Variants in ARL17B observed in about 807,000 individuals in gnomAD.
ARL17B encodes the protein ADP-ribosylation factor-like protein 17.
chr17:46,282,567 A>T, intron 4 of ARL17B, among the ~76,000 whole-genome samples: 1 of 148,118 alleles, frequency 6.8e-6, no homozygotes, highest in East Asian at 2.0e-4. Flanking sequence ...GGCACTCATC[A>T]CCAAGCCTGG....
chr17:46,281,230 C>G (rs548750693), intron 4 of ARL17B, among the ~76,000 whole-genome samples: 12 of 152,218 alleles, frequency 7.9e-5, no homozygotes, highest in Non-Finnish European at 1.0e-4. Context: ...CTTGCTCCCC[C>G]CACCCCTCAT....
chr17:46,285,890 G>A (rs2049894129), intron 4 of ARL17B, among the ~76,000 whole-genome samples: 1 of 152,160 alleles, frequency 6.6e-6, no homozygotes, highest in South Asian at 2.1e-4. Context: ...CACACAGAGG[G>A]GCTCTCATCT....
chr17:46,350,678 C>T (rs1487407538), intron 3 of ARL17B, among the ~76,000 whole-genome samples: 1 of 79,950 alleles, frequency 1.3e-5, no homozygotes, highest in Non-Finnish European at 3.1e-5. Flanking sequence ...CCAGATTGGG[C>T]AACATGGTGA....
rs1189159774 is a variant in ARL17B at position 46,279,184 on chromosome 17, C to CT, written c.*22-3767dup. 7.9e-3 allele frequency among the ~76,000 whole-genome samples: 1,077 copies of CT among 136,908 alleles called. 6 individuals are homozygous for CT. The highest frequency in any genetic ancestry group is 0.019 in the Middle Eastern group (5 of 262). The allele number at this position is 136,908 out of a possible 152,430, so 89.8% of individuals were successfully genotyped here. A position where few individuals can be genotyped will look rare whatever the true frequency, so the allele number is the denominator to read the frequency against. On this transcript the variant is annotated intron_variant, in intron 4 of 4. Coordinates refer to the ARL17B transcript ENST00000570618. ...TTGCTAATAAGGCATTCTTTTTTTT[C>CT]TTTTTTTTTTTTTTTTTGAGACAGA...
downstream of ARL17B, among the ~76,000 whole-genome samples, chr17:46,333,303 T>C (rs1282178181): frequency 1.8e-5 from 1 of 55,842 alleles, no homozygotes; most frequent in East Asian, 2.8e-4. Flanking sequence ...TTGGACACCA[T>C]GTGAGACATT....
At chr17:46,286,601 A>G (rs997947569) in intron 4 of ARL17B, among the ~76,000 whole-genome samples, 2 of 152,242 alleles carry the variant, frequency 1.3e-5, no homozygotes, top group African/African-American at 4.8e-5. Flanking sequence ...TGTCTCAAAC[A>G]TTCACTATGA....
At chr17:46,297,294 CTGG>C, downstream of ARL17B, 1 of 529,412 alleles carries the variant, frequency 1.9e-6, no homozygotes, top group Non-Finnish European at 3.1e-6. Context: ...CGTTCAACCT[CTGG>C]ACCTGGAGCT....
At chr17:46,280,305 A>C (rs1266232960) in intron 4 of ARL17B, among the ~76,000 whole-genome samples, 4 of 152,186 alleles carry the variant, frequency 2.6e-5, no homozygotes, top group African/African-American at 9.7e-5. Flanking sequence ...CGGAGGTTGC[A>C]GTGAGGTGAG....
rs1430929954 is a variant in ARL17B, at chr17:46,325,979, T to C, written c.260-26314A>G. ...TAAAAAGTTGGGGGCAGAAAAAGAA[T>C]ACCAAAAATTTTGGGCTCATGCCTG... On this transcript the variant is annotated intron_variant, in intron 3 of 4. Coordinates refer to the ARL17B transcript ENST00000434041. Among the ~76,000 whole-genome samples, 3 of 66,628 alleles carry C rather than the reference T, an allele frequency of 4.5e-5. 1 individual carries two copies. The East Asian group carries it at 7.7e-4, about 17-fold the overall frequency. 43.7% of individuals were successfully genotyped at this position (66,628 alleles called of 152,430 possible). A position where few individuals can be genotyped will look rare whatever the true frequency, so the allele number is the denominator to read the frequency against.
intron 4 of ARL17B, among the ~76,000 whole-genome samples, chr17:46,291,746 A>C (rs953141823): frequency 1.8e-4 from 28 of 151,940 alleles, no homozygotes; most frequent in Non-Finnish European, 2.9e-4. Context: ...GCAACATGGC[A>C]AAACCTTGTC....
chr17:46,279,456 T>C (rs1193027434), intron 4 of ARL17B, among the ~76,000 whole-genome samples: 2 of 151,952 alleles, frequency 1.3e-5, no homozygotes, highest in Non-Finnish European at 2.9e-5. Context: ...AGTGCTGGGA[T>C]TACAGGCATG....
At chr17:46,350,560 T>TA (rs1236947728) in intron 3 of ARL17B, among the ~76,000 whole-genome samples, 130 of 51,924 alleles carry the variant, frequency 2.5e-3, no homozygotes, top group South Asian at 5.5e-3. Context: ...AATAAGCAGT[T>TA]AAAAAAAAAA....
At position 46,335,452 on chromosome 17, in the gene ARL17B, A is replaced by T; in HGVS notation, c.*4048T>A. On this transcript the variant is annotated 3_prime_UTR_variant, in exon 4 of 4. Transcript: ENST00000450673. Reference sequence around the variant, plus strand: ...TCAAAAAAGTTACCTCATCAGGTACATGAGACTTATAATGAATAAAAGGAA... The same window carrying T: ...TCAAAAAAGTTACCTCATCAGGTACTTGAGACTTATAATGAATAAAAGGAA... 1 of 164,456 alleles carries T rather than the reference A, an allele frequency of 6.1e-6. No individual in the cohort carries two copies. Among genetic ancestry groups the T allele is most frequent in the African/African-American group, 1.9e-5 (1 of 53,712 alleles). The allele number at this position is 164,456 out of a possible 1,614,324, so 10.2% of individuals were successfully genotyped here.
At chr17:46,323,702 CAGT>C (rs1204833174) in intron 3 of ARL17B, among the ~76,000 whole-genome samples, 1 of 104,682 alleles carries the variant, frequency 9.6e-6, no homozygotes, top group East Asian at 2.5e-4. Flanking sequence ...TGGCCTCACT[CAGT>C]AGAATTTTTT....
At chr17:46,290,093 T>C (rs1457349953) in intron 4 of ARL17B, among the ~76,000 whole-genome samples, 1 of 152,286 alleles carries the variant, frequency 6.6e-6, no homozygotes, top group African/African-American at 2.4e-5. Flanking sequence ...TGCTGCAATG[T>C]AGATGACAAA....
In ARL17B at chr17:46,317,213, G is replaced by C. The variant is rs546114665; in HGVS notation, c.260-17548C>G. ...CCCAGTTAGTTTTAAATTTTTTGTA[G>C]AGACAGGGTTTTACTCTATTGCCAG... On this transcript the variant is annotated intron_variant, in intron 3 of 4. Transcript: ENST00000434041. Among the ~76,000 whole-genome samples, 5 of 81,994 alleles carry C rather than the reference G, an allele frequency of 6.1e-5. No homozygotes were observed. The East Asian group carries it at 9.6e-4, about 16-fold the overall frequency. The allele number at this position is 81,994 out of a possible 152,430, so 53.8% of individuals were successfully genotyped here. A position where few individuals can be genotyped will look rare whatever the true frequency, so the allele number is the denominator to read the frequency against.
At chr17:46,277,256 C>A (rs1212790359) in intron 4 of ARL17B, among the ~76,000 whole-genome samples, 1 of 152,220 alleles carries the variant, frequency 6.6e-6, no homozygotes, top group African/African-American at 2.4e-5. Context: ...ACTATGCGGG[C>A]CCAGCCTAGG....
At chr17:46,291,138 T>A (rs758692133) in intron 4 of ARL17B, among the ~76,000 whole-genome samples, 1 of 152,232 alleles carries the variant, frequency 6.6e-6, no homozygotes, top group Admixed American at 6.5e-5. Flanking sequence ...AGACTGAACT[T>A]CTTCTTTGGT....
chr17:46,282,430 A>T (rs867913082), intron 4 of ARL17B, among the ~76,000 whole-genome samples: 2 of 138,410 alleles, frequency 1.4e-5, no homozygotes, highest in African/African-American at 5.4e-5. Context: ...TTTTTTTTTT[A>T]AACAGGCAAG....
Sources: gnomAD v4.1 joint callset for allele counts (sites outside exome capture counted in the v4.1 genomes callset) on GRCh38, gnomAD v4.1.1 for gene constraint, MANE v1.5 for transcripts, NCBI Gene and HGNC (gene_info 2026-07-23, HGNC 2026-07-21) for gene names.